Variants in RBM20 observed in about 807,000 individuals in gnomAD.
The protein encoded by RBM20 is RNA binding motif protein 20.
A neutral mutation model predicts 110.1 loss-of-function variants in RBM20; 51 were observed. That is an observed-to-expected ratio of 0.46 (90% CI 0.37 to 0.59). The LOEUF (loss-of-function observed/expected upper bound fraction) is 0.59. RBM20 is among the 20% of genes least tolerant of loss of function. RBM20 has a pLI of 0.00. For synonymous variants in RBM20, 589 were observed against 618.2 expected (o/e 0.95, Z 0.70); for missense variants, 1,512 against 1,574.9 (o/e 0.96, Z 0.68).
chr10:110,810,784 A>G (rs547971062), intron 8 of RBM20, among the ~76,000 whole-genome samples: 1 of 151,992 alleles, frequency 6.6e-6, no homozygotes, highest in Non-Finnish European at 1.5e-5. Context: ...AAAACAGCCT[A>G]AAAGTAATGC....
intron 1 of RBM20, among the ~76,000 whole-genome samples, chr10:110,695,706 C>T (rs1005647566): frequency 1.3e-5 from 2 of 152,132 alleles, no homozygotes; most frequent in Non-Finnish European, 2.9e-5. Context: ...TGAGTTTGAA[C>T]CTGAGATCAT....
chr10:110,777,699 G>T (rs925418649), intron 1 of RBM20, among the ~76,000 whole-genome samples: 2 of 152,222 alleles, frequency 1.3e-5, no homozygotes, highest in African/African-American at 4.8e-5. Flanking sequence ...GGCTTTCCTA[G>T]TTGGAAAGCC....
chr10:110,724,289 A>G (rs1427262658), intron 1 of RBM20, among the ~76,000 whole-genome samples: 1 of 152,214 alleles, frequency 6.6e-6, no homozygotes, highest in Non-Finnish European at 1.5e-5. Flanking sequence ...AATACACCAC[A>G]CCAGACTACC....
chr10:110,646,614 A>G (rs1046665179), intron 1 of RBM20, among the ~76,000 whole-genome samples: 9 of 152,234 alleles, frequency 5.9e-5, no homozygotes, highest in African/African-American at 2.2e-4. Context: ...TACAAGGATG[A>G]TTTGGAGCTT....
At chr10:110,711,190 CGTG>C (rs1862920887) in intron 1 of RBM20, among the ~76,000 whole-genome samples, 1 of 149,028 alleles carries the variant, frequency 6.7e-6, no homozygotes, top group African/African-American at 2.5e-5. Context: ...ATTAGCTGGG[CGTG>C]GTGGTGGGCA....
At chr10:110,823,105 G>A (rs185031083) in intron 11 of RBM20, among the ~76,000 whole-genome samples, 1 of 152,202 alleles carries the variant, frequency 6.6e-6, no homozygotes, top group Admixed American at 6.5e-5. Context: ...TAGCCTCGGT[G>A]GACGTCAGCA....
chr10:110,717,740 T>G (rs1179220657), intron 1 of RBM20, among the ~76,000 whole-genome samples: 1 of 152,236 alleles, frequency 6.6e-6, no homozygotes, highest in Non-Finnish European at 1.5e-5. Flanking sequence ...TTTTGATTCC[T>G]TGAGGGGAAT....
At chr10:110,688,994 C>T (rs1156352233) in intron 1 of RBM20, among the ~76,000 whole-genome samples, 2 of 142,422 alleles carry the variant, frequency 1.4e-5, no homozygotes, top group Non-Finnish European at 3.1e-5. Flanking sequence ...GGCTTTTAGG[C>T]ATTTTTTTGT....
chr10:110,738,643 G>T (rs1276996971), intron 1 of RBM20, among the ~76,000 whole-genome samples: 2 of 152,152 alleles, frequency 1.3e-5, no homozygotes, highest in Non-Finnish European at 1.5e-5. Context: ...GCATGGAAGG[G>T]GGGCTTTCCT....
intron 1 of RBM20, among the ~76,000 whole-genome samples, chr10:110,728,369 T>C (rs1843586231): frequency 1.3e-5 from 2 of 152,156 alleles, no homozygotes. Context: ...TCTCAGGCAG[T>C]ACAATCTAAG....
intron 1 of RBM20, among the ~76,000 whole-genome samples, chr10:110,681,904 G>A (rs1024102312): frequency 2.0e-5 from 3 of 147,762 alleles, no homozygotes; most frequent in African/African-American, 7.5e-5. Context: ...TGTTGTTGTT[G>A]TTGAGACAAA....
intron 7 of RBM20, among the ~76,000 whole-genome samples, chr10:110,801,763 T>C (rs1303930675): frequency 1.3e-5 from 2 of 149,036 alleles, no homozygotes; most frequent in Non-Finnish European, 3.0e-5. Flanking sequence ...GCCAGGATGG[T>C]CTCAATATCC....
At chr10:110,784,224 T>C in intron 3 of RBM20, 117 bp from the exon 4 acceptor site, 1 of 714,276 alleles carries the variant, frequency 1.4e-6, no homozygotes. Context: ...AGTTTTTGTT[T>C]GAACACCTGT....
At chr10:110,805,621 A>G (rs545265363) in intron 7 of RBM20, among the ~76,000 whole-genome samples, 25 of 152,220 alleles carry the variant, frequency 1.6e-4, no homozygotes, top group Non-Finnish European at 3.1e-4. Flanking sequence ...TGGTGGAGAA[A>G]GTGAGTTTCC....
chr10:110,682,198 A>G (rs1862433370), intron 1 of RBM20, among the ~76,000 whole-genome samples: 1 of 152,100 alleles, frequency 6.6e-6, no homozygotes, highest in East Asian at 1.9e-4. Flanking sequence ...GGCCTTCACT[A>G]ATGTGTTTTT....
chr10:110,714,431 C>G (rs1891039), intron 1 of RBM20, among the ~76,000 whole-genome samples: 106,853 of 152,100 alleles, frequency 0.7, 38,105 homozygotes, highest in East Asian at 1. Flanking sequence ...AGCTGACCAC[C>G]TGACCATCTA....
At chr10:110,685,056 C>T (rs1254079579) in intron 1 of RBM20, among the ~76,000 whole-genome samples, 1 of 152,154 alleles carries the variant, frequency 6.6e-6, no homozygotes, top group Non-Finnish European at 1.5e-5. Flanking sequence ...GTGTTGTTTG[C>T]GCATTTGTAA....
Position 110,812,334 on chromosome 10 carries a change from G to A in RBM20, c.1937G>A (p.Arg646Lys). Reference sequence around the variant, plus strand: ...CCGGTGAGCCGGTCACTCTCCCCGAGGTCCCACACTCCCAGCTTCACCTCC... The same window carrying A: ...CCGGTGAGCCGGTCACTCTCCCCGAAGTCCCACACTCCCAGCTTCACCTCC... ...RSPVSRSLSP[R>K]SHTPSFTSCS... The change falls in exon 9 of 14, where the codon AGG becomes AAG. Residue 646 changes from arginine to lysine, a missense_variant. Arg to Lys is a conservative substitution (Grantham distance 26). Transcript: ENST00000369519. 6.4e-7 allele frequency: 1 copy of A among 1,551,484 alleles called. No homozygotes were observed. The highest frequency in any genetic ancestry group is 8.7e-7 in the Non-Finnish European group (1 of 1,146,966).
intron 1 of RBM20, among the ~76,000 whole-genome samples, chr10:110,762,658 A>C (rs763301266): frequency 6.6e-6 from 1 of 152,152 alleles, no homozygotes. Context: ...CAGAATCCTG[A>C]AGGTAGGCAC....
Sources: gnomAD v4.1 joint callset for allele counts (sites outside exome capture counted in the v4.1 genomes callset) on GRCh38, gnomAD v4.1.1 for gene constraint, MANE v1.5 for transcripts, NCBI Gene and HGNC (gene_info 2026-07-23, HGNC 2026-07-21) for gene names.